PEBP4: variants seen among roughly 807,000 people sequenced by gnomAD.
PEBP4 encodes phosphatidylethanolamine-binding protein 4.
In PEBP4, 22 loss-of-function variants were observed where a neutral mutation model predicts 23.9. The ratio of observed to expected loss-of-function variants is 0.92; its 90% CI spans 0.66 to 1.31. The LOEUF (loss-of-function observed/expected upper bound fraction) is 1.31, where lower values mean the gene tolerates loss of function less well. Ranked by LOEUF, PEBP4 falls within the 40% of genes most tolerant of loss-of-function variation. The pLI, the probability that PEBP4 is intolerant of heterozygous loss-of-function variation, is 0.00. For synonymous variants in PEBP4, 112 were observed against 99.3 expected (o/e 1.13, Z -0.76); for missense variants, 324 against 281.7 (o/e 1.15, Z -1.07).
chr8:22,820,401 G>C (rs1289944666), intron 3 of PEBP4, among the ~76,000 whole-genome samples: 1 of 152,192 alleles, frequency 6.6e-6, no homozygotes, highest in African/African-American at 2.4e-5. Flanking sequence ...GAGTATGAAG[G>C]AAGAGAAGGA....
At chr8:22,789,567 T>C (rs1806096099) in intron 4 of PEBP4, among the ~76,000 whole-genome samples, 1 of 152,280 alleles carries the variant, frequency 6.6e-6, no homozygotes, top group African/African-American at 2.4e-5. Context: ...TGAAGACCTA[T>C]GCAGCTCAAA....
At chr8:22,908,996 G>C (rs960470083) in intron 3 of PEBP4, among the ~76,000 whole-genome samples, 1 of 152,314 alleles carries the variant, frequency 6.6e-6, no homozygotes, top group South Asian at 2.1e-4. Flanking sequence ...GGCAAAGAGA[G>C]ATAGGGCAGG....
intron 4 of PEBP4, among the ~76,000 whole-genome samples, chr8:22,783,462 G>A (rs1259729838): frequency 4.6e-5 from 7 of 152,214 alleles, no homozygotes. Context: ...CAAAGGCAGT[G>A]GCGCAGCTGC....
At chr8:22,716,444 G>A (rs1804420956) in intron 6 of PEBP4, among the ~76,000 whole-genome samples, 1 of 152,188 alleles carries the variant, frequency 6.6e-6, no homozygotes, top group African/African-American at 2.4e-5. Context: ...CTCTGTGCCT[G>A]GCCTCCTATT....
At chr8:22,764,621 A>C (rs549264077) in intron 4 of PEBP4, among the ~76,000 whole-genome samples, 1 of 152,056 alleles carries the variant, frequency 6.6e-6, no homozygotes, top group Non-Finnish European at 1.5e-5. Flanking sequence ...GTGTTTGGTA[A>C]GTGAAGTATC....
chr8:22,893,091 TC>T (rs1411341182), intron 3 of PEBP4, among the ~76,000 whole-genome samples: 1 of 152,096 alleles, frequency 6.6e-6, no homozygotes, highest in Non-Finnish European at 1.5e-5. Flanking sequence ...AAGAAATAAT[TC>T]CCTGAAAGAA....
At chr8:22,913,832 T>A (rs967673617) in intron 3 of PEBP4, among the ~76,000 whole-genome samples, 3 of 152,160 alleles carry the variant, frequency 2.0e-5, no homozygotes, top group African/African-American at 7.2e-5. Context: ...TTATTTAGAG[T>A]TGGGGTCTTG....
chr8:22,848,010 C>A (rs1388723979), intron 3 of PEBP4, among the ~76,000 whole-genome samples: 3 of 151,358 alleles, frequency 2.0e-5, no homozygotes, highest in Non-Finnish European at 4.4e-5. Flanking sequence ...ATTTTTTTTT[C>A]TTTTGCCCCA....
intron 4 of PEBP4, among the ~76,000 whole-genome samples, chr8:22,810,413 C>T (rs1320621483): frequency 6.6e-6 from 1 of 152,120 alleles, no homozygotes; most frequent in African/African-American, 2.4e-5. Context: ...CCACCCTTCT[C>T]CCTCTCCCCT....
chr8:22,744,960 G>T (rs1187317743), intron 4 of PEBP4, among the ~76,000 whole-genome samples: 1 of 152,198 alleles, frequency 6.6e-6, no homozygotes, highest in Non-Finnish European at 1.5e-5. Context: ...ATCGGCAGCA[G>T]ATCAGCAAAT....
At chr8:22,919,306 C>A (rs1809150295) in intron 3 of PEBP4, among the ~76,000 whole-genome samples, 1 of 152,164 alleles carries the variant, frequency 6.6e-6, no homozygotes, top group South Asian at 2.1e-4. Context: ...ACATCCCGGC[C>A]ACGACCCTTC....
chr8:22,914,310 G>T (rs1412680259), intron 3 of PEBP4, among the ~76,000 whole-genome samples: 2 of 152,024 alleles, frequency 1.3e-5, no homozygotes, highest in East Asian at 1.9e-4. Context: ...TAGAGATGGG[G>T]TCTCTAACTC....
rs112061450 is a variant in PEBP4, at chr8:22,823,885, G to A, written c.259-6150C>T. Among the ~76,000 whole-genome samples, 1,290 of 152,140 alleles carry A rather than the reference G, an allele frequency of 8.5e-3. 17 individuals are homozygous for A. Among genetic ancestry groups the A allele is most frequent in the African/African-American group, 0.029 (1,214 of 41,542 alleles). On this transcript the variant is annotated intron_variant, in intron 3 of 6. Transcript: ENST00000256404. ...GAGCACAAATGATCAAAGACCATAC[G>A]AACAAGTTTACTAGTCATAAAAGGT...
intron 4 of PEBP4, among the ~76,000 whole-genome samples, chr8:22,761,797 T>C (rs1356861750): frequency 1.3e-5 from 2 of 152,208 alleles, no homozygotes; most frequent in African/African-American, 4.8e-5. Context: ...TTCTGTCTCC[T>C]TCTTTCTCGC....
At chr8:22,909,581 T>G (rs559231524) in intron 3 of PEBP4, among the ~76,000 whole-genome samples, 31 of 152,238 alleles carry the variant, frequency 2.0e-4, no homozygotes, top group African/African-American at 7.2e-4. Context: ...GGTGGCTGGC[T>G]TCTTCCCAGG....
intron 3 of PEBP4, among the ~76,000 whole-genome samples, chr8:22,902,261 G>A (rs1159848823): frequency 1.1e-4 from 17 of 152,292 alleles, no homozygotes; most frequent in South Asian, 4.1e-4. Context: ...CCTAGGAGGC[G>A]GAGGTTGCGG....
intron 4 of PEBP4, among the ~76,000 whole-genome samples, chr8:22,746,081 G>A (rs1375240422): frequency 6.6e-6 from 1 of 152,038 alleles, no homozygotes; most frequent in African/African-American, 2.4e-5. Context: ...CACCCATCTC[G>A]TGGCAGGAGA....
intron 3 of PEBP4, among the ~76,000 whole-genome samples, chr8:22,868,265 G>T (rs1049933664): frequency 6.6e-6 from 1 of 152,214 alleles, no homozygotes; most frequent in Admixed American, 6.5e-5. Flanking sequence ...GTAGTGAGCA[G>T]TCAAGGTGTT....
chr8:22,725,912 G>A (rs760380174), intron 5 of PEBP4, among the ~76,000 whole-genome samples: 3 of 152,074 alleles, frequency 2.0e-5, no homozygotes, highest in South Asian at 2.1e-4. Flanking sequence ...GTGCACTTCC[G>A]GCCACTGGTG....
Sources: gnomAD v4.1 joint callset for allele counts (sites outside exome capture counted in the v4.1 genomes callset) on GRCh38, gnomAD v4.1.1 for gene constraint, MANE v1.5 for transcripts, NCBI Gene and HGNC (gene_info 2026-07-23, HGNC 2026-07-21) for gene names.